The following ACBD6 variants were observed in gnomAD, a reference collection of about 807,000 sequenced individuals.
ACBD6 encodes the protein acyl-CoA binding domain containing 6.
Under a neutral mutation model 37.2 loss-of-function variants are expected in ACBD6, and 28 were observed. The ratio of observed to expected loss-of-function variants is 0.75; its 90% CI spans 0.56 to 1.03. The LOEUF (loss-of-function observed/expected upper bound fraction) is 1.03, where lower values mean the gene tolerates loss of function less well. Among genes scored for constraint, ACBD6 ranks in the 50% least tolerant of loss-of-function variants. ACBD6 has a pLI of 0.00. For synonymous variants in ACBD6, 113 were observed against 126.8 expected (o/e 0.89, Z 0.73); for missense variants, 340 against 337.4 (o/e 1.01, Z -0.06).
At chr1:180,402,727 G>A (rs1647430688) in intron 5 of ACBD6, among the ~76,000 whole-genome samples, 1 of 151,606 alleles carries the variant, frequency 6.6e-6, no homozygotes, top group African/African-American at 2.4e-5. Flanking sequence ...AGCCCATGAA[G>A]TCATGGCTGC....
intron 3 of ACBD6, among the ~76,000 whole-genome samples, chr1:180,483,625 C>T (rs1467483119): frequency 6.6e-6 from 1 of 152,016 alleles, no homozygotes; most frequent in Non-Finnish European, 1.5e-5. Context: ...AACAAAATGC[C>T]TCATTTTATA....
In ACBD6 at chr1:180,414,511, C is replaced by CT. The variant is rs767869968; in HGVS notation, c.468-1041dup. ...AAGACACTACTTTAGCATCAGCCAT[C>CT]TAAGTGTTCTTTAAGCCGCTTAAGT... On this transcript the variant is annotated intron_variant, in intron 4 of 7. Transcript: ENST00000367595. Among the ~76,000 whole-genome samples the CT allele has an allele frequency of 2.0e-5, 3 of 152,202 alleles. No individual in the cohort carries two copies. The East Asian group carries it at 5.8e-4, about 29-fold the overall frequency.
chr1:180,316,311 AGTGT>A (rs142767435), intron 6 of ACBD6, among the ~76,000 whole-genome samples: 7,679 of 150,192 alleles, frequency 0.051, 245 homozygotes, highest in South Asian at 0.061. Context: ...AATCAATGAA[AGTGT>A]GTGTGTGTGT....
intron 5 of ACBD6, among the ~76,000 whole-genome samples, chr1:180,398,918 A>T (rs574505473): frequency 6.6e-6 from 1 of 152,342 alleles, no homozygotes; most frequent in South Asian, 2.1e-4. Flanking sequence ...ATTTAAAGTA[A>T]AAAGCACCTT....
At chr1:180,462,598 T>G (rs887277571) in intron 3 of ACBD6, among the ~76,000 whole-genome samples, 2 of 152,230 alleles carry the variant, frequency 1.3e-5, no homozygotes, top group African/African-American at 4.8e-5. Flanking sequence ...TTGGAGACCT[T>G]TAAAGAGACT....
chr1:180,480,548 T>C (rs1650991091), intron 3 of ACBD6, among the ~76,000 whole-genome samples: 1 of 152,172 alleles, frequency 6.6e-6, no homozygotes, highest in African/African-American at 2.4e-5. Flanking sequence ...AGTTGATAAG[T>C]TCTATTTTAG....
intron 5 of ACBD6, among the ~76,000 whole-genome samples, chr1:180,403,379 T>C (rs1647462905): frequency 6.6e-6 from 1 of 152,178 alleles, no homozygotes; most frequent in African/African-American, 2.4e-5. Context: ...TGAATTCTAG[T>C]TAGTTATACG....
At chr1:180,280,745 G>A (rs1649282816) in intron 9 of ACBD6, among the ~76,000 whole-genome samples, 1 of 152,168 alleles carries the variant, frequency 6.6e-6, no homozygotes, top group African/African-American at 2.4e-5. Flanking sequence ...TATTGGTAGG[G>A]GAATACAGAA....
At chr1:180,295,850 T>C (rs1649896167) in intron 7 of ACBD6, among the ~76,000 whole-genome samples, 2 of 152,126 alleles carry the variant, frequency 1.3e-5, no homozygotes, top group Admixed American at 1.3e-4. Flanking sequence ...TGAGACACAA[T>C]AATATTGAAA....
At chr1:180,436,530 G>A (rs575370069) in intron 3 of ACBD6, among the ~76,000 whole-genome samples, 16 of 152,258 alleles carry the variant, frequency 1.1e-4, no homozygotes, top group Non-Finnish European at 2.1e-4. Context: ...ATTCCTTCTT[G>A]CGTTGTGTTT....
In ACBD6 at chr1:180,288,514, G is replaced by C; in HGVS notation, c.698C>G (p.Ser233Cys). 6.2e-7 allele frequency: 1 copy of C among 1,612,844 alleles called. No homozygotes were observed. The highest frequency in any genetic ancestry group is 8.5e-7 in the Non-Finnish European group (1 of 1,179,510). The part of the protein sequence containing the change: ...NEGQTALHYA[S>C]ACEFLDIVEL... Reference sequence around the variant, plus strand: ...TACAATATCCAGAAACTCACAGGCAGAGGCTGAAAGGAAAATTGACAAATA... The same window carrying C: ...TACAATATCCAGAAACTCACAGGCACAGGCTGAAAGGAAAATTGACAAATA... The change falls in exon 8 of 8, where the codon TCT becomes TGT. Residue 233 changes from serine (S) to cysteine (C), a missense_variant. Coordinates refer to ENST00000367595, the MANE Select transcript of ACBD6 (RefSeq NM_032360.4).
intron 6 of ACBD6, among the ~76,000 whole-genome samples, chr1:180,376,883 A>G (rs1480299954): frequency 6.6e-6 from 1 of 152,222 alleles, no homozygotes. Context: ...AAGTGAATCT[A>G]AAATCGCATA....
chr1:180,446,018 G>T (rs1649457333), intron 3 of ACBD6, among the ~76,000 whole-genome samples: 1 of 151,348 alleles, frequency 6.6e-6, no homozygotes, highest in Non-Finnish European at 1.5e-5. Flanking sequence ...CTTTTTTTTG[G>T]GGGGGATGGG....
intron 10 of ACBD6, chr1:180,274,367 C>T: frequency 1.2e-6 from 2 of 1,614,230 alleles, no homozygotes; most frequent in South Asian, 2.2e-5. Context: ...ATCGTCCCTG[C>T]CATCCCACGC....
intron 3 of ACBD6, among the ~76,000 whole-genome samples, chr1:180,470,704 A>C (rs1418609945): frequency 2.6e-5 from 4 of 152,202 alleles, no homozygotes; most frequent in Non-Finnish European, 5.9e-5. Flanking sequence ...TTTGCTAAAC[A>C]CCTAGAAAAG....
Position 180,288,418 on chromosome 1 carries a change from G to A in ACBD6, c.794C>T (p.Thr265Ile), listed in dbSNP as rs765018593. ...CACCAAAGAAACTGTTTTGCAGCCT[G>A]TCACCTCCTCTGGCAGGCAGCCATC... The part of the protein sequence containing the change: ...DQDGCLPEEV[T>I]GCKTVSLVLQ... The change falls in exon 8 of 8, where the codon ACA (threonine) becomes ATA (isoleucine). Residue 265 changes from threonine (T) to isoleucine (I), a missense_variant. By Grantham distance (89) the Thr-to-Ile change is moderately conservative. Coordinates refer to ENST00000367595, the MANE Select transcript of ACBD6 (RefSeq NM_032360.4). 4.3e-6 allele frequency: 7 copies of A among 1,613,770 alleles called. No homozygotes were observed. In the South Asian group the frequency reaches 7.7e-5, roughly 18 times the overall value.
chr1:180,328,180 T>TTTTTAA (rs1651328466), intron 6 of ACBD6, among the ~76,000 whole-genome samples: 2 of 151,944 alleles, frequency 1.3e-5, no homozygotes, highest in East Asian at 3.9e-4. Context: ...ATACATTTTA[T>TTTTTAA]CACACTGAAT....
chr1:180,386,818 C>A (rs1263584601), intron 6 of ACBD6, among the ~76,000 whole-genome samples: 1 of 119,926 alleles, frequency 8.3e-6, no homozygotes, highest in Non-Finnish European at 2.0e-5. Context: ...CCACTTGTTT[C>A]AAGAATGTTT....
At chr1:180,382,297 T>G (rs939876384) in intron 6 of ACBD6, among the ~76,000 whole-genome samples, 1 of 151,372 alleles carries the variant, frequency 6.6e-6, no homozygotes, top group Non-Finnish European at 1.5e-5. Context: ...CAGAAGTTAA[T>G]AAACCAATTG....
Sources: allele counts gnomAD v4.1 joint callset (sites outside exome capture counted in the v4.1 genomes callset), GRCh38; gene constraint gnomAD v4.1.1; transcripts MANE v1.5; gene names NCBI Gene and HGNC (gene_info 2026-07-23, HGNC 2026-07-21).